The following ITM2B variants were observed in gnomAD, a reference collection of about 807,000 sequenced individuals.
The protein encoded by ITM2B is integral membrane protein 2B, also known as ABri/ADan amyloid peptide.
In ITM2B, 11 loss-of-function variants were observed where a neutral mutation model predicts 27.8. The ratio of observed to expected loss-of-function variants is 0.40; its 90% CI spans 0.25 to 0.66. ITM2B has a LOEUF of 0.66. Among genes scored for constraint, ITM2B ranks in the 30% least tolerant of loss-of-function variants. The probability of loss-of-function intolerance (pLI) is 0.43; values close to 1 mark genes in which losing one functional copy is unlikely to be tolerated. For synonymous variants in ITM2B, 114 were observed against 114.3 expected (o/e 1.00, Z 0.02); for missense variants, 296 against 328.9 (o/e 0.90, Z 0.77).
chr13:48,245,758 A>G (rs1271602675), intron 1 of ITM2B, among the ~76,000 whole-genome samples: 1 of 151,124 alleles, frequency 6.6e-6, no homozygotes, highest in Non-Finnish European at 1.5e-5. Flanking sequence ...AATCTGTTTT[A>G]TAGACCTTGT....
At chr13:48,258,333 A>G (rs1183029264) in intron 4 of ITM2B, 97 bp downstream of exon 4, 1 of 759,652 alleles carries the variant, frequency 1.3e-6, no homozygotes. Context: ...ATTTTATCAG[A>G]CTGTAGTTAA....
At position 48,264,550 on chromosome 13, in the gene ITM2B, A is replaced by T. The variant is rs1481603191; in HGVS notation, c.*3326A>T. On this transcript the variant is annotated 3_prime_UTR_variant, in exon 6 of 6. Transcript: ENST00000647800. The stretch of plus-strand genomic sequence containing the variant: ...CTAAGTGAACATTTAGTAGTTTACT[A>T]GACATCTTCTCTTCCACCTAGCAAA... The T allele has an allele frequency of 6.6e-6, 1 of 152,212 alleles. No homozygotes were observed. The highest frequency in any genetic ancestry group is 1.5e-5 in the Non-Finnish European group (1 of 68,034). The allele number at this position is 152,212 out of a possible 1,614,324, so 9.4% of individuals were successfully genotyped here.
At chr13:48,253,962 T>A in intron 2 of ITM2B, 26 bp downstream of exon 2, 1 of 1,603,156 alleles carries the variant, frequency 6.2e-7, no homozygotes. Flanking sequence ...ATTTTGTGTC[T>A]CTGATTTTTT....
intron 1 of ITM2B, among the ~76,000 whole-genome samples, chr13:48,253,396 A>T (rs527699197): frequency 6.6e-6 from 1 of 152,240 alleles, no homozygotes; most frequent in Non-Finnish European, 1.5e-5. Flanking sequence ...AAATGATCAG[A>T]TAGAGAGATG....
Position 48,253,835 on chromosome 13 carries a change from C to G in ITM2B, c.145C>G (p.Gln49Glu). The G allele has an allele frequency of 6.8e-6, 11 of 1,613,812 alleles. No individual in the cohort carries two copies. The highest frequency in any genetic ancestry group is 8.5e-6 in the Non-Finnish European group (10 of 1,179,774). ...KDPDDVVPVGQRRAWCWCMCF... is the reference protein window; with the variant it reads ...KDPDDVVPVGERRAWCWCMCF... Reference sequence around the variant, plus strand: ...CCCAGATGATGTGGTACCAGTTGGCCAAAGAAGAGCCTGGTGTTGGTGCAT... The same window carrying G: ...CCCAGATGATGTGGTACCAGTTGGCGAAAGAAGAGCCTGGTGTTGGTGCAT... The change falls in exon 2 of 6, where the codon CAA (glutamine) becomes GAA (glutamate). Residue 49 changes from glutamine (Q) to glutamate (E), a missense_variant. Transcript: ENST00000647800.
At chr13:48,255,482 A>G (rs1267892228) in intron 2 of ITM2B, among the ~76,000 whole-genome samples, 2 of 151,870 alleles carry the variant, frequency 1.3e-5, no homozygotes, top group Non-Finnish European at 2.9e-5. Flanking sequence ...TTTTGTGGAG[A>G]CAGGGTCTCA....
At position 48,266,107 on chromosome 13, in the gene ITM2B, C is replaced by T. The variant is rs1252047491; in HGVS notation, c.*4883C>T. The T allele has an allele frequency of 6.6e-6, 1 of 152,110 alleles. No homozygotes were observed. Among genetic ancestry groups the T allele is most frequent in the Non-Finnish European group, 1.5e-5 (1 of 68,032 alleles). 9.4% of individuals were successfully genotyped at this position (152,110 alleles called of 1,614,324 possible). On this transcript the variant is annotated 3_prime_UTR_variant, in exon 6 of 6. Coordinates refer to ENST00000647800, the MANE Select transcript of ITM2B (RefSeq NM_021999.5). ...TCCCAACCAGTTGTCTGACTTTCTC[C>T]TCAGATCTCATCCCCATGGGTCTGA... is the stretch of plus-strand genomic sequence containing the variant.
At chr13:48,233,609 C>A in intron 1 of ITM2B, 132 bp downstream of exon 1, 1 of 508,026 alleles carries the variant, frequency 2.0e-6, no homozygotes, top group Non-Finnish European at 3.4e-6. Context: ...CCGAGAGAGC[C>A]CGGCGCTCCC....
chr13:48,239,843 C>T (rs1951689823), intron 1 of ITM2B, among the ~76,000 whole-genome samples: 1 of 152,202 alleles, frequency 6.6e-6, no homozygotes, highest in Non-Finnish European at 1.5e-5. Flanking sequence ...TCTTCAAATA[C>T]TGCCTGCCTG....
chr13:48,260,518 C>T (rs903460386), intron 5 of ITM2B, among the ~76,000 whole-genome samples: 1 of 152,090 alleles, frequency 6.6e-6, no homozygotes. Flanking sequence ...TCCTCCCTCC[C>T]TCCCTCCCTT....
chr13:48,248,017 G>A (rs551630170), intron 1 of ITM2B, among the ~76,000 whole-genome samples: 1 of 152,122 alleles, frequency 6.6e-6, no homozygotes, highest in Non-Finnish European at 1.5e-5. Flanking sequence ...AAACGTCTCG[G>A]TGACTTGTTT....
intron 1 of ITM2B, among the ~76,000 whole-genome samples, chr13:48,249,546 TAGAC>T (rs1353977497): frequency 1.6e-4 from 24 of 152,334 alleles, no homozygotes; most frequent in Admixed American, 1.0e-3. Flanking sequence ...ATTTTCTACA[TAGAC>T]AGATTATTTA....
At chr13:48,237,057 A>G (rs569098226) in intron 1 of ITM2B, among the ~76,000 whole-genome samples, 16 of 152,286 alleles carry the variant, frequency 1.1e-4, no homozygotes, top group African/African-American at 2.4e-4. Context: ...GGTTTTCCCT[A>G]TTCACACAAT....
intron 1 of ITM2B, among the ~76,000 whole-genome samples, chr13:48,245,383 A>C (rs1951719025): frequency 2.0e-5 from 3 of 152,214 alleles, no homozygotes; most frequent in Admixed American, 1.3e-4. Flanking sequence ...ACAGTAGAGA[A>C]ATGATGGTCA....
Position 48,256,330 on chromosome 13 carries a change from G to T in ITM2B, c.400G>T (p.Val134Phe), listed in dbSNP as rs1196041985. Reference sequence around the variant, plus strand: ...AGAAGTTGAATTTATCAGTGTGCCTGTCCCAGAGTTTGCAGATAGTGATCC... The same window carrying T: ...AGAAGTTGAATTTATCAGTGTGCCTTTCCCAGAGTTTGCAGATAGTGATCC... ...EEEVEFISVP[V>F]PEFADSDPAN... Residue 134 changes from valine to phenylalanine, a missense_variant, in exon 3 of 6, where the codon GTC (valine) becomes TTC (phenylalanine). Coordinates refer to ENST00000647800, the MANE Select transcript of ITM2B (RefSeq NM_021999.5). 1.2e-6 allele frequency: 2 copies of T among 1,613,950 alleles called. No homozygotes were observed. Among genetic ancestry groups the T allele is most frequent in the Non-Finnish European group, 1.7e-6 (2 of 1,179,936 alleles).
intron 1 of ITM2B, among the ~76,000 whole-genome samples, chr13:48,237,830 C>A (rs1163351894): frequency 6.6e-6 from 1 of 152,124 alleles, no homozygotes; most frequent in Non-Finnish European, 1.5e-5. Flanking sequence ...AATACTACTT[C>A]CTGAATTCCT....
At chr13:48,248,659 T>G (rs1439044687) in intron 1 of ITM2B, among the ~76,000 whole-genome samples, 5 of 152,136 alleles carry the variant, frequency 3.3e-5, no homozygotes, top group African/African-American at 4.8e-5. Flanking sequence ...GGAAGAAGAA[T>G]TGTCTTGAGC....
intron 1 of ITM2B, among the ~76,000 whole-genome samples, chr13:48,237,997 A>G (rs958161066): frequency 2.6e-5 from 4 of 152,230 alleles, no homozygotes; most frequent in African/African-American, 9.6e-5. Context: ...AGGAAAAGAA[A>G]TTAAGGACTT....
Position 48,261,709 on chromosome 13 carries a change from T to C in ITM2B, c.*485T>C, listed in dbSNP as rs762708690. The C allele has an allele frequency of 6.5e-6, 1 of 153,350 alleles. No individual in the cohort carries two copies. The highest frequency in any genetic ancestry group is 1.9e-4 in the East Asian group (1 of 5,218). The allele number at this position is 153,350 out of a possible 1,614,324, so 9.5% of individuals were successfully genotyped here. On this transcript the variant is annotated 3_prime_UTR_variant, in exon 6 of 6. Coordinates refer to ENST00000647800, the MANE Select transcript of ITM2B (RefSeq NM_021999.5). ...GCAGTATTTTCAGTGTCAAATATATTTAACTATTTAGAGAATGATTTCCAC... is the reference window on the plus strand; with the variant it reads ...GCAGTATTTTCAGTGTCAAATATATCTAACTATTTAGAGAATGATTTCCAC...
Sources: allele counts gnomAD v4.1 joint callset (sites outside exome capture counted in the v4.1 genomes callset), GRCh38; gene constraint gnomAD v4.1.1; transcripts MANE v1.5; gene names NCBI Gene and HGNC (gene_info 2026-07-23, HGNC 2026-07-21).